TXLNB: variants seen among roughly 807,000 people sequenced by gnomAD.
TXLNB encodes beta-taxilin.
A neutral mutation model predicts 57.4 loss-of-function variants in TXLNB; 37 were observed. That is an observed-to-expected ratio of 0.64 (90% CI 0.50 to 0.85). The LOEUF (loss-of-function observed/expected upper bound fraction) is 0.85, where lower values mean the gene tolerates loss of function less well. Ranked by LOEUF, TXLNB falls within the 40% of genes least tolerant of loss-of-function variation. The pLI is 0.00. For missense variants in TXLNB, 848 were observed against 825.6 expected (o/e 1.03, Z -0.33); for synonymous variants, 302 against 309.6 (o/e 0.98, Z 0.26).
At chr6:139,166,519 C>T in the TXLNB span, 187 of 1,614,202 alleles carry the variant, frequency 1.2e-4, 1 homozygote, top group East Asian at 3.8e-3. Flanking sequence ...AGAAGGGCTA[C>T]GACCTGGCCT....
chr6:139,320,356 C>T, the TXLNB span, among the ~76,000 whole-genome samples: 7,187 of 152,102 alleles, frequency 0.047, 265 homozygotes, highest in South Asian at 0.12. Flanking sequence ...TTCTGGAAAC[C>T]ACAAGGAATA....
At chr6:139,188,610 AAG>A in the TXLNB span, among the ~76,000 whole-genome samples, 1 of 152,324 alleles carries the variant, frequency 6.6e-6, no homozygotes, top group East Asian at 1.9e-4. Flanking sequence ...AAATTTCTGA[AAG>A]AGAAATTTCA....
At chr6:139,297,385 A>G in the TXLNB span, among the ~76,000 whole-genome samples, 1 of 152,144 alleles carries the variant, frequency 6.6e-6, no homozygotes, top group African/African-American at 2.4e-5. Flanking sequence ...TCCAGTAGAG[A>G]CTTGGTTGTT....
chr6:139,243,572 G>A (rs1776004115), intron 9 of TXLNB, among the ~76,000 whole-genome samples: 1 of 146,612 alleles, frequency 6.8e-6, no homozygotes, highest in Admixed American at 7.0e-5. Flanking sequence ...GGGAAAGAAA[G>A]ATGGTCAGGC....
the TXLNB span, among the ~76,000 whole-genome samples, chr6:139,321,923 C>T: frequency 2.0e-5 from 3 of 151,804 alleles, no homozygotes; most frequent in Non-Finnish European, 2.9e-5. Flanking sequence ...TGAGCCACTG[C>T]GCCCAGCCTC....
At chr6:139,281,428 C>A (rs962553069) in intron 2 of TXLNB, among the ~76,000 whole-genome samples, 1 of 151,502 alleles carries the variant, frequency 6.6e-6, no homozygotes, top group African/African-American at 2.4e-5. Context: ...GTTTTCTTGT[C>A]AGATTTTGTT....
At chr6:139,228,106 T>C in the TXLNB span, among the ~76,000 whole-genome samples, 1 of 152,230 alleles carries the variant, frequency 6.6e-6, no homozygotes, top group Non-Finnish European at 1.5e-5. Context: ...AGACCTCTTT[T>C]CTTTTGGTGT....
the TXLNB span, chr6:139,180,589 T>A: frequency 6.5e-6 from 1 of 152,752 alleles, no homozygotes; most frequent in East Asian, 1.9e-4. Flanking sequence ...ATATAATGGA[T>A]GGGCTCCATT....
At chr6:139,297,172 C>A in the TXLNB span, among the ~76,000 whole-genome samples, 4 of 152,148 alleles carry the variant, frequency 2.6e-5, no homozygotes, top group Non-Finnish European at 4.4e-5. Flanking sequence ...TTTATGGATT[C>A]AATTCTTCTG....
At chr6:139,234,312 C>T in the TXLNB span, 9 of 152,168 alleles carry the variant, frequency 5.9e-5, no homozygotes, top group Admixed American at 2.0e-4. Flanking sequence ...ATCACCAAGA[C>T]AATAGGGAAA....
the TXLNB span, among the ~76,000 whole-genome samples, chr6:139,227,538 A>AGGG: frequency 6.6e-6 from 1 of 152,210 alleles, no homozygotes. Flanking sequence ...TCTGAAATAG[A>AGGG]CACATGTCAT....
chr6:139,288,451 C>A, intron 2 of TXLNB, 25 bp downstream of exon 2: 2 of 1,602,300 alleles, frequency 1.2e-6, no homozygotes, highest in South Asian at 2.2e-5. Context: ...ACAGAAAAGT[C>A]ACATATTTGA....
chr6:139,258,861 T>C (rs117734509), intron 6 of TXLNB, among the ~76,000 whole-genome samples: 1 of 152,320 alleles, frequency 6.6e-6, no homozygotes, highest in East Asian at 1.9e-4. Context: ...CAGTCAGCAG[T>C]GTGCAACCTT....
chr6:139,228,633 C>T, the TXLNB span, among the ~76,000 whole-genome samples: 2 of 151,816 alleles, frequency 1.3e-5, no homozygotes, highest in Admixed American at 6.6e-5. Flanking sequence ...TGCAACTCCA[C>T]TCACCTCCTC....
the TXLNB span, chr6:139,176,886 G>C: frequency 2.4e-6 from 2 of 824,976 alleles, no homozygotes; most frequent in African/African-American, 3.3e-5. The surrounding 1 kb of genome is among the most constrained non-coding windows in gnomAD (Gnocchi z 4.5). Context: ...GGATGACTTT[G>C]ACAAGTGTTG....
At chr6:139,166,840 C>T in the TXLNB span, 2 of 1,613,820 alleles carry the variant, frequency 1.2e-6, no homozygotes, top group East Asian at 2.2e-5. Flanking sequence ...CACCCACGGG[C>T]TACTCCATCC....
At chr6:139,283,977 T>C (rs1399131699) in intron 2 of TXLNB, among the ~76,000 whole-genome samples, 1 of 145,754 alleles carries the variant, frequency 6.9e-6, no homozygotes. Context: ...ATGTTTATAT[T>C]TTCTCCAAAA....
Position 139,276,877 on chromosome 6 carries a change from TTTGCAAC to T in TXLNB, c.462_468del (p.Leu155HisfsTer27). 1 of 1,600,366 alleles carries T rather than the reference TTTGCAAC, an allele frequency of 6.2e-7. No homozygotes were observed. The highest frequency in any genetic ancestry group is 8.5e-7 in the Non-Finnish European group (1 of 1,175,926). On this transcript the variant is annotated frameshift_variant, in exon 3 of 10. Coordinates refer to ENST00000358430, the MANE Select transcript of TXLNB (RefSeq NM_153235.4). LOFTEE classifies it high-confidence loss of function. ...AAAAAATCAAACTTTTCTTCCGGTG[TTTGCAAC>T]TTGTTCAGATTTTGCATTAGCAGGT... is the stretch of plus-strand genomic sequence containing the variant.
At chr6:139,290,800 GT>G (rs2114649347) in intron 1 of TXLNB, among the ~76,000 whole-genome samples, 1 of 152,280 alleles carries the variant, frequency 6.6e-6, no homozygotes, top group African/African-American at 2.4e-5. Flanking sequence ...TAATTCACAG[GT>G]TTTGCTGTTG....
Sources: allele counts gnomAD v4.1 joint callset (sites outside exome capture counted in the v4.1 genomes callset), GRCh38; gene constraint gnomAD v4.1.1; non-coding constraint Gnocchi (gnomAD v3.1); transcripts MANE v1.5; gene names NCBI Gene and HGNC (gene_info 2026-07-23, HGNC 2026-07-21).